The following PKP4 variants were observed in gnomAD, a reference collection of about 807,000 sequenced individuals.
The protein encoded by PKP4 is plakophilin-4.
Under a neutral mutation model 145.1 loss-of-function variants are expected in PKP4, and 90 were observed. The observed-to-expected ratio is 0.62, with a 90% CI of 0.52 to 0.74. PKP4 has a LOEUF of 0.74. Ranked by LOEUF, PKP4 falls within the 30% of genes least tolerant of loss-of-function variation. PKP4 has a pLI of 0.00. For missense variants in PKP4, 1,340 were observed against 1,482.7 expected, an observed-to-expected ratio of 0.90 and a Z score of 1.58; for synonymous variants, 563 against 577.2, an observed-to-expected ratio of 0.98 and a Z score of 0.35.
chr2:158,467,434 T>TA (rs1350565614), intron 1 of PKP4, among the ~76,000 whole-genome samples: 7 of 151,232 alleles, frequency 4.6e-5, no homozygotes, highest in African/African-American at 1.7e-4. Context: ...CACCTGTAGT[T>TA]ACAGCTACTG....
At chr2:158,545,411 T>A (rs2105679343) in intron 2 of PKP4, among the ~76,000 whole-genome samples, 1 of 152,300 alleles carries the variant, frequency 6.6e-6, no homozygotes, top group South Asian at 2.1e-4. Flanking sequence ...TTCTTTTAAG[T>A]CATAAACCGC....
chr2:158,462,184 A>T (rs1046550264), intron 1 of PKP4, among the ~76,000 whole-genome samples: 1 of 152,236 alleles, frequency 6.6e-6, no homozygotes, highest in Non-Finnish European at 1.5e-5. Context: ...AATTGCAAGC[A>T]TGAGGGAAGT....
intron 7 of PKP4, among the ~76,000 whole-genome samples, chr2:158,625,755 GA>G (rs1448696990): frequency 1.3e-5 from 2 of 151,822 alleles, no homozygotes; most frequent in Admixed American, 1.3e-4. Flanking sequence ...TTTTTTTAAT[GA>G]AATATTTTTT....
At chr2:158,673,632 A>T (rs1389969929) in intron 17 of PKP4, 45 bp from the exon 18 acceptor site, 1 of 1,391,906 alleles carries the variant, frequency 7.2e-7, no homozygotes, top group Admixed American at 1.7e-5. Flanking sequence ...AGTGGGGCTG[A>T]GGCTGTGTCA....
chr2:158,522,150 G>C (rs539728706), intron 1 of PKP4, among the ~76,000 whole-genome samples: 3 of 152,114 alleles, frequency 2.0e-5, no homozygotes, highest in Non-Finnish European at 2.9e-5. Context: ...AAGTGTACTT[G>C]GTATGCTTTC....
chr2:158,672,884 G>A lies in PKP4; in HGVS notation c.2925-793G>A, dbSNP rs116416956. Among the ~76,000 whole-genome samples the A allele has an allele frequency of 3.8e-3, 580 of 152,250 alleles. 11 individuals are homozygous for A. The highest frequency in any genetic ancestry group is 0.013 in the African/African-American group (548 of 41,542). On this transcript the variant is annotated intron_variant, in intron 17 of 21. Transcript: ENST00000389759. ...AAGAGAAAACCAGATTTTAGATCGGGTATATACATTTGAAGTCAAACTGTC... is the reference window on the plus strand; with the variant it reads ...AAGAGAAAACCAGATTTTAGATCGGATATATACATTTGAAGTCAAACTGTC...
In PKP4 at chr2:158,592,196, A is replaced by G. The variant is rs80197176; in HGVS notation, c.246-10874A>G. ...TAGGAACATGTGGGTGATAGAGAAG[A>G]GTAGGAAACCAGAGTGGTGGGTAAG... On this transcript the variant is annotated intron_variant, in intron 3 of 21. Transcript: ENST00000389759. 7.6e-3 allele frequency among the ~76,000 whole-genome samples: 1,159 copies of G among 152,156 alleles called. 8 individuals are homozygous for G. The highest frequency in any genetic ancestry group is 0.026 in the African/African-American group (1,085 of 41,548).
At chr2:158,543,481 T>G (rs2044700002) in intron 2 of PKP4, among the ~76,000 whole-genome samples, 1 of 152,146 alleles carries the variant, frequency 6.6e-6, no homozygotes, top group South Asian at 2.1e-4. Context: ...GCAAGATAGG[T>G]CCAGAGGCTA....
intron 1 of PKP4, among the ~76,000 whole-genome samples, chr2:158,499,751 GA>G (rs201015452): frequency 3.3e-5 from 5 of 151,104 alleles, no homozygotes; most frequent in African/African-American, 7.3e-5. Context: ...AATTATTCCT[GA>G]AAAAAAAATT....
chr2:158,643,712 CAAAA>C (rs762303684), intron 11 of PKP4, among the ~76,000 whole-genome samples: 3 of 69,766 alleles, frequency 4.3e-5, no homozygotes, highest in South Asian at 1.3e-3. Flanking sequence ...GGCCCTGTTT[CAAAA>C]AAAAAAAAAA....
intron 2 of PKP4, among the ~76,000 whole-genome samples, chr2:158,565,522 G>A (rs1559332213): frequency 1.3e-5 from 2 of 148,290 alleles, no homozygotes; most frequent in Non-Finnish European, 3.0e-5. Context: ...TTGGTAAACA[G>A]GGAGTATGCA....
intron 13 of PKP4, 171 bp from the exon 14 acceptor site, chr2:158,662,726 C>A: frequency 1.8e-6 from 1 of 544,972 alleles, no homozygotes; most frequent in Non-Finnish European, 3.1e-6. Flanking sequence ...TCTGGGTATT[C>A]CACAAACACT....
intron 2 of PKP4, among the ~76,000 whole-genome samples, chr2:158,566,825 T>C (rs2047024967): frequency 6.6e-6 from 1 of 152,072 alleles, no homozygotes; most frequent in African/African-American, 2.4e-5. Context: ...TATTTATATC[T>C]GCAAACACAC....
At chr2:158,568,749 G>A (rs889998253) in intron 2 of PKP4, among the ~76,000 whole-genome samples, 1 of 151,842 alleles carries the variant, frequency 6.6e-6, no homozygotes, top group East Asian at 1.9e-4. Context: ...TGAGGCAGGT[G>A]GATCACCTGA....
intron 1 of PKP4, among the ~76,000 whole-genome samples, chr2:158,495,563 C>T (rs1378494964): frequency 2.0e-5 from 3 of 151,894 alleles, no homozygotes; most frequent in African/African-American, 7.3e-5. Context: ...TGTCCGGGTG[C>T]CGTGGCTCCC....
intron 21 of PKP4, chr2:158,678,856 G>A (rs1437672071): frequency 2.2e-5 from 13 of 598,232 alleles, no homozygotes; most frequent in South Asian, 6.1e-5. Context: ...TATCCACATC[G>A]GTACTGCTGA....
intron 4 of PKP4, among the ~76,000 whole-genome samples, chr2:158,606,568 A>T (rs190488401): frequency 1.3e-5 from 2 of 152,344 alleles, no homozygotes; most frequent in Non-Finnish European, 2.9e-5. Flanking sequence ...ATATTTAAAA[A>T]GTACAAAAAG....
chr2:158,667,313 A>G (rs180965354), intron 16 of PKP4, among the ~76,000 whole-genome samples: 14 of 152,282 alleles, frequency 9.2e-5, no homozygotes, highest in Non-Finnish European at 1.8e-4. Context: ...AACCTGGGGT[A>G]TCCTATATAA....
intron 1 of PKP4, among the ~76,000 whole-genome samples, chr2:158,468,887 G>A (rs893851667): frequency 1.4e-5 from 2 of 144,976 alleles, no homozygotes; most frequent in Admixed American, 1.4e-4. Flanking sequence ...GGACCCACTC[G>A]CATCAGCCTC....
Sources: gnomAD v4.1 joint callset for allele counts (sites outside exome capture counted in the v4.1 genomes callset) on GRCh38, gnomAD v4.1.1 for gene constraint, MANE v1.5 for transcripts, NCBI Gene and HGNC (gene_info 2026-07-23, HGNC 2026-07-21) for gene names.